The following USP48 variants were observed in gnomAD, a reference collection of about 807,000 sequenced individuals.
USP48 encodes ubiquitin specific peptidase 48.
A neutral mutation model predicts 150.7 loss-of-function variants in USP48; 43 were observed. The ratio of observed to expected loss-of-function variants is 0.29; its 90% CI spans 0.22 to 0.37. USP48 has a LOEUF of 0.37. Ranked by LOEUF, USP48 falls within the 10% of genes least tolerant of loss-of-function variation. USP48 has a pLI of 1.00. For missense variants in USP48, 813 were observed against 1,249.6 expected (o/e 0.65, Z 5.27); for synonymous variants, 396 against 425.9 (o/e 0.93, Z 0.86).
Position 21,746,961 on chromosome 1 carries a change from A to G in USP48, c.991+106T>C. On this transcript the variant is annotated intron_variant, in intron 8 of 26. Coordinates refer to ENST00000308271, the MANE Select transcript of USP48 (RefSeq NM_032236.8). Reference sequence around the variant, plus strand: ...AGACAGAGGTTCCCAGAGAGAGATTAGCAAACAAAAATTGGCAATTGACTG... The same window carrying G: ...AGACAGAGGTTCCCAGAGAGAGATTGGCAAACAAAAATTGGCAATTGACTG... 3.6e-6 allele frequency: 3 copies of G among 833,614 alleles called. No individual in the cohort carries two copies. The Admixed American group carries it at 9.6e-5, about 27-fold the overall frequency. 51.6% of individuals were successfully genotyped at this position (833,614 alleles called of 1,614,324 possible).
intron 14 of USP48, among the ~76,000 whole-genome samples, chr1:21,720,550 CAG>C (rs35396445): frequency 0.24 from 35,621 of 150,196 alleles, 4,950 homozygotes; most frequent in Non-Finnish European, 0.31. Context: ...TTTTAAGAGA[CAG>C]AGTCTCGCTC....
At chr1:21,749,515 TG>T (rs1557562816) in intron 6 of USP48, among the ~76,000 whole-genome samples, 1 of 152,196 alleles carries the variant, frequency 6.6e-6, no homozygotes, top group African/African-American at 2.4e-5. Flanking sequence ...TTCTTTCAGT[TG>T]ATCAGGCCAA....
At chr1:21,719,462 G>A (rs889477632) in intron 14 of USP48, among the ~76,000 whole-genome samples, 2 of 151,818 alleles carry the variant, frequency 1.3e-5, no homozygotes, top group Non-Finnish European at 2.9e-5. Context: ...TAAAGTGACA[G>A]AAATGGGCGA....
intron 1 of USP48, among the ~76,000 whole-genome samples, chr1:21,782,349 C>A (rs2097916683): frequency 1.3e-5 from 2 of 151,870 alleles, no homozygotes; most frequent in African/African-American, 4.8e-5. Context: ...GGAAGGCCAA[C>A]GGGGGTGCAG....
intron 11 of USP48, chr1:21,727,965 T>C (rs899472274): frequency 3.0e-6 from 3 of 985,300 alleles, no homozygotes; most frequent in African/African-American, 3.5e-5. Context: ...TTAATACAAA[T>C]GGCACATCAG....
chr1:21,767,542 C>T (rs1349511125), intron 1 of USP48, among the ~76,000 whole-genome samples: 1 of 151,634 alleles, frequency 6.6e-6, no homozygotes, highest in East Asian at 2.0e-4. Flanking sequence ...CCAGGCTGGT[C>T]TCGATCTCCT....
chr1:21,750,917 A>G (rs2097810800), intron 6 of USP48, among the ~76,000 whole-genome samples: 1 of 152,140 alleles, frequency 6.6e-6, no homozygotes. Context: ...AATGAATTCA[A>G]TGACTACTTC....
chr1:21,698,991 G>C (rs59559626), intron 22 of USP48, among the ~76,000 whole-genome samples: 26 of 152,252 alleles, frequency 1.7e-4, no homozygotes, highest in African/African-American at 6.3e-4. Flanking sequence ...AGACAAAAGA[G>C]AATGGAGTCC....
At chr1:21,704,178 T>C (rs1404785907) in intron 20 of USP48, 84 bp downstream of exon 20, 2 of 1,513,050 alleles carry the variant, frequency 1.3e-6, no homozygotes, top group Non-Finnish European at 1.8e-6. Flanking sequence ...GATCTTTAAC[T>C]TTAAGCAGAC....
At chr1:21,683,450 T>C (rs1238170848) in intron 25 of USP48, among the ~76,000 whole-genome samples, 1 of 152,102 alleles carries the variant, frequency 6.6e-6, no homozygotes, top group East Asian at 1.9e-4. Flanking sequence ...AGTGGCATGA[T>C]GACAGCTCAC....
At chr1:21,704,890 C>T (rs1340260840) in intron 19 of USP48, among the ~76,000 whole-genome samples, 1 of 151,980 alleles carries the variant, frequency 6.6e-6, no homozygotes, top group African/African-American at 2.4e-5. Flanking sequence ...AATGGTAACA[C>T]ACATTTGCTT....
chr1:21,771,968 C>T (rs2097882189), intron 1 of USP48, among the ~76,000 whole-genome samples: 3 of 151,074 alleles, frequency 2.0e-5, no homozygotes. Context: ...TGGGAATTTG[C>T]CATGTAATAA....
intron 15 of USP48, among the ~76,000 whole-genome samples, chr1:21,713,008 AT>A (rs1247350247): frequency 1.3e-5 from 2 of 152,286 alleles, no homozygotes; most frequent in African/African-American, 2.4e-5. Context: ...GCCTAAAAAA[AT>A]AACCCTTGTA....
Position 21,756,598 on chromosome 1 carries a change from A to G in USP48, c.360T>C (p.Cys120=), listed in dbSNP as rs776545937. The change falls in exon 3 of 27, where the codon TGT becomes TGC. Residue 120 remains cysteine (C), a synonymous_variant. Transcript: ENST00000308271. ...GCATGTAGTCACTACAAGTGCTTGGACATAAGTAGAGTGCCTGCCGAAGCT... is the reference window on the plus strand; with the variant it reads ...GCATGTAGTCACTACAAGTGCTTGGGCATAAGTAGAGTGCCTGCCGAAGCT... ...NLELRQALYL[C]PSTCSDYMLG... is the part of the protein sequence containing the mutation. 5 of 1,606,820 alleles carry G rather than the reference A, an allele frequency of 3.1e-6. No individual in the cohort carries two copies. Among genetic ancestry groups the G allele is most frequent in the Non-Finnish European group, 4.2e-6 (5 of 1,178,124 alleles).
intron 23 of USP48, among the ~76,000 whole-genome samples, chr1:21,694,772 A>AGCATACAG (rs1431271278): frequency 6.6e-6 from 1 of 152,056 alleles, no homozygotes; most frequent in Non-Finnish European, 1.5e-5. Flanking sequence ...GTCAAAGAAA[A>AGCATACAG]GCATACAGCA....
At chr1:21,743,162 G>A (rs1322086858) in intron 8 of USP48, among the ~76,000 whole-genome samples, 1 of 151,906 alleles carries the variant, frequency 6.6e-6, no homozygotes, top group Non-Finnish European at 1.5e-5. Flanking sequence ...ACCTCATTTT[G>A]CAGGCTGTGG....
In USP48 at chr1:21,690,131, T is replaced by A. The variant is rs1481192602; in HGVS notation, c.2884-32A>T. 3 of 1,593,752 alleles carry A rather than the reference T, an allele frequency of 1.9e-6. No individual in the cohort carries two copies. The South Asian group carries it at 3.4e-5, about 18-fold the overall frequency. On this transcript the variant is annotated intron_variant, in intron 23 of 26. Transcript: ENST00000308271. ...CAATATAAAAGAGAGAAAGTCCGTATAATGCAAAATACTAAGACTTATACC... is the reference window on the plus strand; with the variant it reads ...CAATATAAAAGAGAGAAAGTCCGTAAAATGCAAAATACTAAGACTTATACC...
intron 1 of USP48, among the ~76,000 whole-genome samples, chr1:21,768,905 TCCTCCCGTCTTTG>T (rs2152635629): frequency 6.6e-6 from 1 of 152,180 alleles, no homozygotes; most frequent in Non-Finnish European, 1.5e-5. Context: ...CCTCAAGTGA[TCCTCCCGTCTTTG>T]CCTCCCAAAC....
chr1:21,693,522 C>A (rs1044766683), intron 23 of USP48, among the ~76,000 whole-genome samples: 1 of 152,222 alleles, frequency 6.6e-6, no homozygotes, highest in Non-Finnish European at 1.5e-5. Flanking sequence ...GCTGTGTGAA[C>A]AGCTGCCATC....
Sources: gnomAD v4.1 joint callset for allele counts (sites outside exome capture counted in the v4.1 genomes callset) on GRCh38, gnomAD v4.1.1 for gene constraint, MANE v1.5 for transcripts, NCBI Gene and HGNC (gene_info 2026-07-23, HGNC 2026-07-21) for gene names.